SDK1: variants seen among roughly 807,000 people sequenced by gnomAD.
SDK1 encodes sidekick cell adhesion molecule 1.
SDK1 carries 157 observed loss-of-function variants against 245.5 expected under a neutral mutation model. The ratio of observed to expected loss-of-function variants is 0.64; its 90% CI spans 0.56 to 0.73. The LOEUF is 0.73. SDK1 is among the 30% of genes least tolerant of loss of function. SDK1 has a pLI of 0.00. For missense variants in SDK1, 3,583 were observed against 3,002.3 expected (o/e 1.19, Z -4.52); for synonymous variants, 1,647 against 1,278.5 (o/e 1.29, Z -6.15).
Position 3,853,987 on chromosome 7 carries a change from CA to C in SDK1, c.847+32414del, listed in dbSNP as rs552560717. Among the ~76,000 whole-genome samples, 8 of 150,964 alleles carry C rather than the reference CA, an allele frequency of 5.3e-5. No individual in the cohort carries two copies. The South Asian group carries it at 8.4e-4, about 16-fold the overall frequency. On this transcript the variant is annotated intron_variant, in intron 5 of 44. Coordinates refer to ENST00000404826, the MANE Select transcript of SDK1 (RefSeq NM_152744.4). ...CTGTCAACAGAGCAAGACTCCGTCT[CA>C]AAAAAAAAATTTTTTTTGGATTTCA...
At chr7:4,182,069 G>A (rs1033481029) in intron 35 of SDK1, among the ~76,000 whole-genome samples, 3 of 152,138 alleles carry the variant, frequency 2.0e-5, no homozygotes, top group South Asian at 4.2e-4. Context: ...ACAGGCGCCC[G>A]CCACCACGCC....
chr7:3,899,517 T>A lies in SDK1; in HGVS notation c.848-51406T>A, dbSNP rs143146740. On this transcript the variant is annotated intron_variant, in intron 5 of 44. Coordinates refer to ENST00000404826, the MANE Select transcript of SDK1 (RefSeq NM_152744.4). The stretch of plus-strand genomic sequence containing the variant: ...TGCCCTACAGCATTGGTGGGAAGAC[T>A]AATGAGAAAAGGCTCAGAAAGTCCT... Among the ~76,000 whole-genome samples, 141 of 152,350 alleles carry A rather than the reference T, an allele frequency of 9.3e-4. 2 individuals are homozygous for A. Among genetic ancestry groups the A allele is most frequent in the African/African-American group, 3.3e-3 (136 of 41,584 alleles).
chr7:3,548,152 A>T (rs112520347), intron 1 of SDK1, among the ~76,000 whole-genome samples: 2,163 of 152,336 alleles, frequency 0.014, 41 homozygotes, highest in African/African-American at 0.042. Flanking sequence ...GAAATGCATC[A>T]GTTGAATAGA....
At chr7:4,176,479 TATTG>T (rs1447345143) in intron 34 of SDK1, among the ~76,000 whole-genome samples, 1 of 152,202 alleles carries the variant, frequency 6.6e-6, no homozygotes. Flanking sequence ...TTTCTTTTTT[TATTG>T]TGGTAAAATA....
chr7:3,825,173 T>C (rs1184062623), intron 5 of SDK1, among the ~76,000 whole-genome samples: 1 of 152,208 alleles, frequency 6.6e-6, no homozygotes, highest in African/African-American at 2.4e-5. Context: ...TGAGAGTAGA[T>C]GTGTCTTCCG....
intron 35 of SDK1, among the ~76,000 whole-genome samples, chr7:4,198,345 A>G (rs1287367780): frequency 6.6e-6 from 1 of 152,166 alleles, no homozygotes; most frequent in Non-Finnish European, 1.5e-5. Context: ...ACAAAGTCAC[A>G]AGGGTGTTGG....
At chr7:4,025,927 A>G (rs1787307539) in intron 17 of SDK1, among the ~76,000 whole-genome samples, 1 of 152,192 alleles carries the variant, frequency 6.6e-6, no homozygotes, top group African/African-American at 2.4e-5. Flanking sequence ...GCCCACACTG[A>G]GCCTGGCTTT....
intron 1 of SDK1, among the ~76,000 whole-genome samples, chr7:3,373,634 T>C (rs1289257259): frequency 9.1e-6 from 1 of 110,172 alleles, no homozygotes; most frequent in East Asian, 3.1e-4. Context: ...AAATGTTCTG[T>C]TCTTTTTTTT....
At chr7:3,770,395 G>C (rs780863156) in intron 4 of SDK1, among the ~76,000 whole-genome samples, 1 of 152,090 alleles carries the variant, frequency 6.6e-6, no homozygotes, top group Non-Finnish European at 1.5e-5. Flanking sequence ...TTACAGTTTT[G>C]GGCTTCTGTG....
chr7:3,806,044 C>G (rs1295698799), intron 4 of SDK1, among the ~76,000 whole-genome samples: 1 of 152,090 alleles, frequency 6.6e-6, no homozygotes, highest in East Asian at 1.9e-4. Context: ...ATGATAATGC[C>G]CTGAGGTCAA....
rs186067056 is a variant in SDK1, at chr7:3,837,419, G to C, written c.847+15836G>C. Among the ~76,000 whole-genome samples, 277 of 152,314 alleles carry C rather than the reference G, an allele frequency of 1.8e-3. 5 individuals carry two copies. In the South Asian group the frequency reaches 0.028, roughly 16 times the overall value. On this transcript the variant is annotated intron_variant, in intron 5 of 44. Coordinates refer to ENST00000404826, the MANE Select transcript of SDK1 (RefSeq NM_152744.4). ...AGTCTGTGCATTCTCCTAAGGAAGAGACTTGAGTTTTCCTGTGGAGGGCTC... is the reference window on the plus strand; with the variant it reads ...AGTCTGTGCATTCTCCTAAGGAAGACACTTGAGTTTTCCTGTGGAGGGCTC...
intron 44 of SDK1, among the ~76,000 whole-genome samples, chr7:4,254,742 T>C (rs772624750): frequency 4.6e-5 from 7 of 152,118 alleles, no homozygotes; most frequent in Non-Finnish European, 7.4e-5. Context: ...CATGCCTCAT[T>C]GAGGGTTATT....
intron 5 of SDK1, among the ~76,000 whole-genome samples, chr7:3,852,514 G>A (rs563951061): frequency 1.0e-3 from 157 of 151,660 alleles, no homozygotes; most frequent in African/African-American, 3.7e-3. Flanking sequence ...TTGGGAGGCC[G>A]AGGCGGGCGG....
At chr7:3,448,890 T>C (rs1780427147) in intron 1 of SDK1, among the ~76,000 whole-genome samples, 2 of 152,208 alleles carry the variant, frequency 1.3e-5, no homozygotes, top group South Asian at 4.1e-4. Context: ...TGTTACTCTT[T>C]ATTGTTTCTG....
chr7:3,583,152 G>T (rs74671040), intron 1 of SDK1, among the ~76,000 whole-genome samples: 20 of 152,314 alleles, frequency 1.3e-4, no homozygotes, highest in African/African-American at 4.3e-4. Context: ...TGGTTCCTGC[G>T]TGTAGGCCAT....
Position 4,079,600 on chromosome 7 carries a change from G to T in SDK1, c.3324+16G>T. On this transcript the variant is annotated intron_variant, in intron 22 of 44. Transcript: ENST00000404826. ...TGAGGGGCAGGTACGTGTGTCGTTAGACTGGGAGCTGGCATTTGCGAAGAG... is the reference window on the plus strand; with the variant it reads ...TGAGGGGCAGGTACGTGTGTCGTTATACTGGGAGCTGGCATTTGCGAAGAG... 6.2e-7 allele frequency: 1 copy of T among 1,613,904 alleles called. No individual in the cohort carries two copies. The highest frequency in any genetic ancestry group is 8.5e-7 in the Non-Finnish European group (1 of 1,179,808).
intron 4 of SDK1, among the ~76,000 whole-genome samples, chr7:3,789,551 A>T (rs892205995): frequency 2.0e-5 from 3 of 152,220 alleles, no homozygotes; most frequent in African/African-American, 7.2e-5. Flanking sequence ...TATTTTAGAA[A>T]CATTGGTCAC....
intron 4 of SDK1, among the ~76,000 whole-genome samples, chr7:3,667,335 G>A (rs1296757554): frequency 6.6e-6 from 1 of 152,066 alleles, no homozygotes; most frequent in Admixed American, 6.5e-5. Flanking sequence ...TTTTTTATGA[G>A]TCACTTGTAG....
intron 4 of SDK1, among the ~76,000 whole-genome samples, chr7:3,813,830 A>T (rs201048917): frequency 0.093 from 10,746 of 115,222 alleles, 821 homozygotes; most frequent in East Asian, 0.29. Flanking sequence ...GATATCTCAT[A>T]GTGGTTTTGA....
Sources: gnomAD v4.1 joint callset for allele counts (sites outside exome capture counted in the v4.1 genomes callset) on GRCh38, gnomAD v4.1.1 for gene constraint, MANE v1.5 for transcripts, NCBI Gene and HGNC (gene_info 2026-07-23, HGNC 2026-07-21) for gene names.